Variants in USP32 observed in about 807,000 individuals in gnomAD.
USP32 encodes the protein ubiquitin carboxyl-terminal hydrolase 32.
A neutral mutation model predicts 204.8 loss-of-function variants in USP32; 59 were observed. The observed-to-expected ratio is 0.29, with a 90% CI of 0.23 to 0.36. USP32 has a LOEUF of 0.36. Ranked by LOEUF, USP32 falls within the 10% of genes least tolerant of loss-of-function variation. USP32 has a pLI of 1.00. For synonymous variants in USP32, 517 were observed against 678.4 expected (o/e 0.76, Z 3.70); for missense variants, 1,160 against 1,946.4 (o/e 0.60, Z 7.60).
At chr17:60,228,295 C>G (rs976137511) in intron 12 of USP32, among the ~76,000 whole-genome samples, 3 of 152,090 alleles carry the variant, frequency 2.0e-5, no homozygotes, top group Non-Finnish European at 4.4e-5. Flanking sequence ...GGATTACAGG[C>G]GTGACCCACT....
In USP32 at chr17:60,205,663, A is replaced by G. The variant is rs1421731935; in HGVS notation, c.3038-5T>C. The G allele has an allele frequency of 6.2e-7, 1 of 1,613,952 alleles. No individual in the cohort carries two copies. Among genetic ancestry groups the G allele is most frequent in the Admixed American group, 1.7e-5 (1 of 60,014 alleles). ...TAGATGGCGAAGAGGAGAAATCTACAAATTCAAAGATAAGTACAGTATCAT... is the reference window on the plus strand; with the variant it reads ...TAGATGGCGAAGAGGAGAAATCTACGAATTCAAAGATAAGTACAGTATCAT... On this transcript the variant is annotated splice_region_variant and splice_polypyrimidine_tract_variant and intron_variant, in intron 25 of 33. Transcript: ENST00000300896.
chr17:60,414,359 T>G (rs1225751900), intron 1 of USP32, among the ~76,000 whole-genome samples: 1 of 151,040 alleles, frequency 6.6e-6, no homozygotes, highest in Admixed American at 6.6e-5. Context: ...CAAGACAAGA[T>G]GTTATCTTTA....
At chr17:60,417,704 T>C (rs566876454) in intron 1 of USP32, among the ~76,000 whole-genome samples, 1 of 152,270 alleles carries the variant, frequency 6.6e-6, no homozygotes, top group Admixed American at 6.5e-5. Flanking sequence ...TCCGCCTGCC[T>C]CAGCCTCCCA....
intron 2 of USP32, among the ~76,000 whole-genome samples, chr17:60,313,426 AC>A (rs2087901452): frequency 6.6e-6 from 1 of 152,140 alleles, no homozygotes; most frequent in African/African-American, 2.4e-5. Context: ...CATAATACTA[AC>A]CATGTCTTTC....
At chr17:60,229,960 C>T (rs7211536) in intron 12 of USP32, among the ~76,000 whole-genome samples, 9,949 of 152,096 alleles carry the variant, frequency 0.065, 1,155 homozygotes, top group African/African-American at 0.23. Context: ...ATTACAGGCA[C>T]GCACCACTGC....
intron 7 of USP32, among the ~76,000 whole-genome samples, chr17:60,266,750 G>A (rs1428455119): frequency 6.6e-6 from 1 of 151,488 alleles, no homozygotes; most frequent in Admixed American, 6.6e-5. Context: ...CTGCCTCCCG[G>A]GTTCAAGCAA....
chr17:60,207,898 T>TC, intron 24 of USP32, 161 bp downstream of exon 24: 1 of 1,278,282 alleles, frequency 7.8e-7, no homozygotes, highest in Non-Finnish European at 1.1e-6. Context: ...CTCTTAAGTT[T>TC]CTGGGTTGGA....
chr17:60,366,721 C>T (rs2089321595), intron 1 of USP32, among the ~76,000 whole-genome samples: 1 of 150,534 alleles, frequency 6.6e-6, no homozygotes. Context: ...GGAAACACAG[C>T]AAGACATCGT....
intron 6 of USP32, among the ~76,000 whole-genome samples, chr17:60,270,909 T>G (rs962670672): frequency 4.6e-5 from 7 of 152,060 alleles, no homozygotes; most frequent in Non-Finnish European, 8.8e-5. Flanking sequence ...TTTCTTCATC[T>G]TTTTTTGGAG....
chr17:60,235,941 A>G (rs1251766387), intron 12 of USP32, among the ~76,000 whole-genome samples, 197 bp downstream of exon 12: 1 of 152,240 alleles, frequency 6.6e-6, no homozygotes, highest in East Asian at 1.9e-4. Flanking sequence ...AAGGAAAGAA[A>G]TGTATGTGGA....
chr17:60,218,653 G>T (rs2085166384), intron 16 of USP32, among the ~76,000 whole-genome samples: 1 of 151,938 alleles, frequency 6.6e-6, no homozygotes, highest in South Asian at 2.1e-4. Context: ...ACCCAGGCTG[G>T]AGTGCAACGG....
upstream of USP32, among the ~76,000 whole-genome samples, chr17:60,395,965 A>G (rs2146154455): frequency 6.6e-6 from 1 of 152,186 alleles, no homozygotes; most frequent in East Asian, 1.9e-4. Flanking sequence ...CAACACATTA[A>G]GAGAATTGAT....
chr17:60,284,575 T>G (rs968806916), intron 5 of USP32, among the ~76,000 whole-genome samples: 6 of 152,026 alleles, frequency 3.9e-5, no homozygotes, highest in African/African-American at 7.2e-5. Flanking sequence ...CTACTAAAAA[T>G]CCAAAAAAAG....
rs757370384 is a variant in USP32, at chr17:60,349,578, G to GAA, written c.59-3972_59-3971dup. 3.2e-3 allele frequency among the ~76,000 whole-genome samples: 89 copies of GAA among 27,704 alleles called. 1 individual carries two copies. The highest frequency in any genetic ancestry group is 4.0e-3 in the Non-Finnish European group (65 of 16,234). The allele number at this position is 27,704 out of a possible 152,430, so 18.2% of individuals were successfully genotyped here. A position where few individuals can be genotyped will look rare whatever the true frequency, so the allele number is the denominator to read the frequency against. On this transcript the variant is annotated intron_variant, in intron 1 of 33. Transcript: ENST00000300896. Reference sequence around the variant, plus strand: ...GACAGAGTGAGACTCTGTCTCAAAAGAAAAAAAAAAAAAAAAAAATATATA... The same window carrying GAA: ...GACAGAGTGAGACTCTGTCTCAAAAGAAAAAAAAAAAAAAAAAAAAATATATA...
chr17:60,320,544 G>A (rs544891043), intron 2 of USP32, among the ~76,000 whole-genome samples: 21 of 152,220 alleles, frequency 1.4e-4, no homozygotes, highest in African/African-American at 4.8e-4. Context: ...GTTGGGATGA[G>A]GGAAGAAACC....
At chr17:60,411,103 C>T (rs567138006) in intron 1 of USP32, among the ~76,000 whole-genome samples, 5 of 151,906 alleles carry the variant, frequency 3.3e-5, no homozygotes, top group Non-Finnish European at 5.9e-5. Flanking sequence ...CCGAGGCAGG[C>T]GGATCACCTG....
At chr17:60,298,669 T>A (rs911675330) in intron 3 of USP32, among the ~76,000 whole-genome samples, 3 of 152,176 alleles carry the variant, frequency 2.0e-5, no homozygotes, top group Non-Finnish European at 2.9e-5. Flanking sequence ...TTTTAATTAT[T>A]GCTGCCTGGG....
At chr17:60,277,191 C>A (rs909836390) in intron 5 of USP32, among the ~76,000 whole-genome samples, 2 of 152,112 alleles carry the variant, frequency 1.3e-5, no homozygotes, top group East Asian at 3.8e-4. Context: ...CAGCAGTATA[C>A]CATATTCCCA....
chr17:60,244,591 GGT>G (rs955260440), intron 11 of USP32, among the ~76,000 whole-genome samples: 10 of 151,922 alleles, frequency 6.6e-5, no homozygotes, highest in African/African-American at 2.4e-4. Context: ...ATTGTTGTAG[GGT>G]TTACAATATG....
Sources: gnomAD v4.1 joint callset for allele counts (sites outside exome capture counted in the v4.1 genomes callset) on GRCh38, gnomAD v4.1.1 for gene constraint, MANE v1.5 for transcripts, NCBI Gene and HGNC (gene_info 2026-07-23, HGNC 2026-07-21) for gene names.